Variants in MYH15 observed in about 807,000 individuals in gnomAD.
The protein encoded by MYH15 is myosin heavy chain 15.
In MYH15, 227 loss-of-function variants were observed where a neutral mutation model predicts 240.5. That is an observed-to-expected ratio of 0.94 (90% confidence interval 0.85 to 1.05). MYH15 has a LOEUF of 1.05. MYH15 is among the 50% of genes least tolerant of loss of function. MYH15 has a pLI of 0.00. For missense variants in MYH15, 2,217 were observed against 2,247.5 expected (o/e 0.99, Z 0.27); for synonymous variants, 785 against 796.7 (o/e 0.99, Z 0.25).
At chr3:108,430,952 G>T (rs2082774046) in intron 25 of MYH15, 30 bp from the exon 26 acceptor site, 2 of 1,411,714 alleles carry the variant, frequency 1.4e-6, no homozygotes, top group Non-Finnish European at 2.0e-6. Flanking sequence ...AAATACAATT[G>T]TTCAGAATAA....
chr3:108,472,344 T>C (rs1229972078), intron 12 of MYH15, among the ~76,000 whole-genome samples: 1 of 152,200 alleles, frequency 6.6e-6, no homozygotes, highest in African/African-American at 2.4e-5. Context: ...ACATTTAAAA[T>C]AGACCTATCA....
Position 108,401,338 on chromosome 3 carries a change from G to T in MYH15, c.4737-2071C>A, listed in dbSNP as rs183958150. Among the ~76,000 whole-genome samples, 359 of 151,826 alleles carry T rather than the reference G, an allele frequency of 2.4e-3. 3 individuals are homozygous for T. The highest frequency in any genetic ancestry group is 0.019 in the Admixed American group (293 of 15,240). On this transcript the variant is annotated intron_variant, in intron 33 of 40. Coordinates refer to ENST00000693548, the MANE Select transcript of MYH15 (RefSeq NM_014981.3). Reference sequence around the variant, plus strand: ...GGAAGAGACACAGGGATGCATGTGCGCAGAGGAAAGCACAGATGAGGATGC... The same window carrying T: ...GGAAGAGACACAGGGATGCATGTGCTCAGAGGAAAGCACAGATGAGGATGC...
chr3:108,548,243 T>A, the MYH15 span, among the ~76,000 whole-genome samples: 1 of 152,118 alleles, frequency 6.6e-6, no homozygotes, highest in Non-Finnish European at 1.5e-5. Context: ...TTACAAGTCA[T>A]GAATTTTACA....
chr3:108,492,631 G>C (rs776904100), intron 8 of MYH15, 36 bp from the exon 9 acceptor site: 1 of 1,496,104 alleles, frequency 6.7e-7, no homozygotes, highest in Admixed American at 1.7e-5. Flanking sequence ...TTCATACTTA[G>C]GCATTCTTGC....
chr3:108,477,395 T>C (rs1046311192), intron 11 of MYH15, among the ~76,000 whole-genome samples: 13 of 152,202 alleles, frequency 8.5e-5, no homozygotes, highest in South Asian at 4.1e-4. Context: ...CGGAATTAGA[T>C]AGTGGTGGTT....
intron 1 of MYH15, among the ~76,000 whole-genome samples, chr3:108,507,881 C>T (rs1033364749): frequency 5.3e-5 from 8 of 152,192 alleles, no homozygotes; most frequent in African/African-American, 1.9e-4. Flanking sequence ...GAAAAGCACC[C>T]AGTTAGCATA....
chr3:108,485,092 T>G lies in MYH15; in HGVS notation c.1113A>C (p.Glu371Asp). ...CCATATCTTCAAAGTAATTCTTACT[T>G]TCTGTGCCATCTGCTTCCAGTTGCT... ...REEQLEADGT[E>D]NADKAAFLMG... is the part of the protein sequence containing the mutation. Residue 371 changes from glutamate to aspartate, a missense_variant and splice_region_variant, in exon 11 of 41, where the codon GAA becomes GAC. Transcript: ENST00000693548. 6.2e-7 allele frequency: 1 copy of G among 1,613,976 alleles called. No homozygotes were observed. Among genetic ancestry groups the G allele is most frequent in the Non-Finnish European group, 8.5e-7 (1 of 1,179,920 alleles).
At chr3:108,519,739 A>G (rs1478354902) in intron 1 of MYH15, among the ~76,000 whole-genome samples, 3 of 152,204 alleles carry the variant, frequency 2.0e-5, no homozygotes, top group Admixed American at 1.3e-4. Flanking sequence ...GTGACCCACG[A>G]TCTGCATAAT....
chr3:108,443,425 A>T (rs1309490748), intron 22 of MYH15, among the ~76,000 whole-genome samples: 1 of 152,196 alleles, frequency 6.6e-6, no homozygotes, highest in Non-Finnish European at 1.5e-5. Flanking sequence ...AGTAGAGTTT[A>T]AAAACAAGAA....
rs1310319238 is a variant in MYH15, at chr3:108,381,309, T to C, written c.*236A>G. The stretch of plus-strand genomic sequence containing the variant: ...TGAAAAGGTTCTTCCATTTATTTAA[T>C]CTGTCATGTGAAGCATTAGAAGGTA... On this transcript the variant is annotated 3_prime_UTR_variant, in exon 41 of 41. Transcript: ENST00000693548. 6 of 572,228 alleles carry C rather than the reference T, an allele frequency of 1.0e-5. No individual in the cohort carries two copies. In the Admixed American group the frequency reaches 1.8e-4, roughly 17 times the overall value. 35.4% of individuals were successfully genotyped at this position (572,228 alleles called of 1,614,324 possible).
At chr3:108,414,159 G>A (rs181440168) in intron 30 of MYH15, 73 bp downstream of exon 30, 9 of 1,485,006 alleles carry the variant, frequency 6.1e-6, no homozygotes, top group African/African-American at 2.8e-5. Flanking sequence ...ATGAGGCCTT[G>A]GAGACAGAGT....
chr3:108,435,176 A>G (rs1357058379), intron 25 of MYH15, among the ~76,000 whole-genome samples: 2 of 152,194 alleles, frequency 1.3e-5, no homozygotes, highest in Non-Finnish European at 2.9e-5. Context: ...CGTTTGCCAC[A>G]TGTTTAAAAT....
At chr3:108,501,019 T>C (rs2083432858) in intron 3 of MYH15, among the ~76,000 whole-genome samples, 1 of 152,220 alleles carries the variant, frequency 6.6e-6, no homozygotes, top group African/African-American at 2.4e-5. Context: ...TTTGGACTTC[T>C]GGCCTCCAGC....
intron 9 of MYH15, 152 bp downstream of exon 9, chr3:108,492,348 C>G: frequency 2.0e-6 from 1 of 494,176 alleles, no homozygotes; most frequent in Non-Finnish European, 3.7e-6. Context: ...AACACTAGTT[C>G]TATAATTGAT....
At chr3:108,521,397 T>TA (rs11359459) in intron 1 of MYH15, among the ~76,000 whole-genome samples, 66 of 145,404 alleles carry the variant, frequency 4.5e-4, no homozygotes, top group African/African-American at 6.0e-4. Context: ...GAAATGATGT[T>TA]AAAAAAAAAA....
Position 108,485,218 on chromosome 3 carries a change from G to A in MYH15, c.987C>T (p.Asp329=). The stretch of plus-strand genomic sequence containing the variant: ...TCTCATCAGGAAGAAAGCCCAAGAT[G>A]TCCATGGCTTGCTGTAAAAAGAGAA... ...EELLATEQAM[D]ILGFLPDEKY... Residue 329 remains aspartate (D), a synonymous_variant, in exon 11 of 41, where the codon GAC becomes GAT. Coordinates refer to ENST00000693548, the MANE Select transcript of MYH15 (RefSeq NM_014981.3). The A allele has an allele frequency of 6.2e-7, 1 of 1,614,048 alleles. No homozygotes were observed. Among genetic ancestry groups the A allele is most frequent in the African/African-American group, 1.3e-5 (1 of 75,058 alleles).
intron 15 of MYH15, among the ~76,000 whole-genome samples, chr3:108,463,554 A>C (rs1401673612): frequency 1.3e-5 from 2 of 152,022 alleles, no homozygotes; most frequent in Non-Finnish European, 2.9e-5. Flanking sequence ...GTTTGGTCTC[A>C]AACTCCTAGG....
chr3:108,422,397 T>C (rs1388821006), intron 27 of MYH15, among the ~76,000 whole-genome samples: 3 of 152,054 alleles, frequency 2.0e-5, no homozygotes, highest in African/African-American at 7.2e-5. Context: ...TTTGTATTTT[T>C]AGTAAAGATG....
chr3:108,390,009 A>T (rs1486107597), intron 37 of MYH15, among the ~76,000 whole-genome samples: 3 of 152,116 alleles, frequency 2.0e-5, no homozygotes, highest in Non-Finnish European at 4.4e-5. Flanking sequence ...GAGGGGAGCA[A>T]GTGTGAGACT....
Sources: allele counts gnomAD v4.1 joint callset (sites outside exome capture counted in the v4.1 genomes callset), GRCh38; gene constraint gnomAD v4.1.1; transcripts MANE v1.5; gene names NCBI Gene and HGNC (gene_info 2026-07-23, HGNC 2026-07-21).